The following IMMP1L variants were observed in gnomAD, a reference collection of about 807,000 sequenced individuals.
The protein encoded by IMMP1L is inner mitochondrial membrane peptidase subunit 1.
A neutral mutation model predicts 21.8 loss-of-function variants in IMMP1L; 24 were observed. The ratio of observed to expected loss-of-function variants is 1.10; its 90% confidence interval spans 0.80 to 1.55. IMMP1L has a LOEUF of 1.55. IMMP1L is among the 40% of genes most tolerant of loss of function. The probability of loss-of-function intolerance (pLI) is 0.00; values close to 1 mark genes in which losing one functional copy is unlikely to be tolerated. For missense variants in IMMP1L, 195 were observed against 200.7 expected (o/e 0.97, Z 0.17); for synonymous variants, 46 against 62.8 (o/e 0.73, Z 1.26).
chr11:31,452,507 C>T, intron 4 of IMMP1L: 1 of 985,398 alleles, frequency 1.0e-6, no homozygotes, highest in Non-Finnish European at 1.2e-6. Flanking sequence ...CATGCTCCTA[C>T]TTCCAACTAA....
At position 31,433,549 on chromosome 11, in the gene IMMP1L, A is replaced by T. The variant is rs768405132; in HGVS notation, c.343T>A (p.Leu115Ile). 6.2e-6 allele frequency: 10 copies of T among 1,610,804 alleles called. No individual in the cohort carries two copies. The highest frequency in any genetic ancestry group is 7.6e-6 in the Non-Finnish European group (9 of 1,177,914). Residue 115 changes from leucine (L) to isoleucine (I), a missense_variant, in exon 5 of 6, where the codon TTA (leucine) becomes ATA (isoleucine). Physicochemically the swap from Leu to Ile is conservative, Grantham distance 5. Coordinates refer to ENST00000532287, the MANE Select transcript of IMMP1L (RefSeq NM_001304274.2). ...GAATTCTGTAGATTGTCACCTTCTA[A>T]CCAAACATGACCCATTGGCACCTAG... ...HSYVPMGHVW[L>I]EGDNLQNSTD...
intron 4 of IMMP1L, among the ~76,000 whole-genome samples, chr11:31,444,001 C>T (rs1953430027): frequency 1.3e-5 from 2 of 152,180 alleles, no homozygotes; most frequent in Admixed American, 1.3e-4. Context: ...TAAGCTCTTT[C>T]ATCTTCTCCC....
At chr11:31,490,960 C>T (rs1393394304) in intron 1 of IMMP1L, among the ~76,000 whole-genome samples, 1 of 152,106 alleles carries the variant, frequency 6.6e-6, no homozygotes, top group East Asian at 1.9e-4. Context: ...TGTCTCAGGG[C>T]AAGGAATAAC....
At chr11:31,472,524 T>C (rs1179590502) in intron 1 of IMMP1L, among the ~76,000 whole-genome samples, 1 of 152,242 alleles carries the variant, frequency 6.6e-6, no homozygotes, top group African/African-American at 2.4e-5. Flanking sequence ...ATGTACCATG[T>C]GTGCTGTGAA....
chr11:31,466,651 C>A (rs75503285), intron 1 of IMMP1L, among the ~76,000 whole-genome samples: 2,604 of 152,082 alleles, frequency 0.017, 39 homozygotes, highest in Non-Finnish European at 0.024. Context: ...AGAAATAAAT[C>A]TGGCACAGGA....
intron 4 of IMMP1L, chr11:31,449,203 C>T (rs80261978): frequency 4.1e-4 from 157 of 381,540 alleles, no homozygotes; most frequent in African/African-American, 3.3e-3. Flanking sequence ...GCTTATAATA[C>T]ACAAGCCCTT....
At chr11:31,486,057 CT>C (rs941684097) in intron 1 of IMMP1L, among the ~76,000 whole-genome samples, 96 of 143,806 alleles carry the variant, frequency 6.7e-4, no homozygotes, top group East Asian at 1.2e-3. Flanking sequence ...TTTTTTTTCC[CT>C]TTTTTTTTTT....
At chr11:31,452,770 G>A in intron 4 of IMMP1L, 1 of 1,003,282 alleles carries the variant, frequency 1.0e-6, no homozygotes, top group Non-Finnish European at 1.2e-6. Context: ...CTTTTCTTGA[G>A]ACGGAGTTTC....
At chr11:31,444,588 C>CTTTT (rs1219601245) in intron 4 of IMMP1L, among the ~76,000 whole-genome samples, 8 of 130,422 alleles carry the variant, frequency 6.1e-5, no homozygotes, top group African/African-American at 2.2e-4. Flanking sequence ...CATTTCTATT[C>CTTTT]TTTTTTTTTT....
intron 4 of IMMP1L, among the ~76,000 whole-genome samples, chr11:31,438,055 C>G (rs1953185641): frequency 6.6e-6 from 1 of 152,066 alleles, no homozygotes; most frequent in Admixed American, 6.6e-5. Flanking sequence ...ATGTACAAGT[C>G]TTATTTCTTT....
Position 31,508,525 on chromosome 11 carries a change from A to G in IMMP1L, c.-30+994T>C, listed in dbSNP as rs551419176. ...ATGATTCTAAAAAACAAGCAAACAA[A>G]CAAAAATCCTCCCCAAATGAAAAAC... On this transcript the variant is annotated intron_variant, in intron 1 of 5. Transcript: ENST00000532287. Among the ~76,000 whole-genome samples, 4 of 152,334 alleles carry G rather than the reference A, an allele frequency of 2.6e-5. No individual in the cohort carries two copies. The South Asian group carries it at 6.2e-4, about 24-fold the overall frequency.
At chr11:31,503,507 T>G (rs1955689587) in intron 1 of IMMP1L, among the ~76,000 whole-genome samples, 1 of 151,852 alleles carries the variant, frequency 6.6e-6, no homozygotes, top group Non-Finnish European at 1.5e-5. Flanking sequence ...CTAGCAAAAT[T>G]AACAATGAAG....
chr11:31,457,536 A>C lies in IMMP1L; in HGVS notation c.195-1150T>G, dbSNP rs113406911. Among the ~76,000 whole-genome samples the C allele has an allele frequency of 9.5e-3, 1,448 of 152,348 alleles. 27 individuals are homozygous for C. Among genetic ancestry groups the C allele is most frequent in the African/African-American group, 0.033 (1,389 of 41,588 alleles). On this transcript the variant is annotated intron_variant, in intron 3 of 5. Transcript: ENST00000532287. ...ATATGTCAAAATAATATTAAAAGTC[A>C]TAAGAATAAAAGGAAAATTATGAAG...
At position 31,490,576 on chromosome 11, in the gene IMMP1L, T is replaced by C. The variant is rs1955221898; in HGVS notation, c.-30+18943A>G. Reference sequence around the variant, plus strand: ...TGTTCAGCACTCTCTAATATAAACATTAAAGGTATTAGTACGTTGTAACAT... The same window carrying C: ...TGTTCAGCACTCTCTAATATAAACACTAAAGGTATTAGTACGTTGTAACAT... On this transcript the variant is annotated intron_variant, in intron 1 of 5. Transcript: ENST00000532287. Among the ~76,000 whole-genome samples the C allele has an allele frequency of 2.0e-5, 3 of 152,226 alleles. No homozygotes were observed. In the South Asian group the frequency reaches 6.2e-4, roughly 32 times the overall value.
chr11:31,504,979 C>G (rs148291848), intron 1 of IMMP1L, among the ~76,000 whole-genome samples: 2 of 152,288 alleles, frequency 1.3e-5, no homozygotes, highest in East Asian at 3.9e-4. Flanking sequence ...GGAACTCCCT[C>G]TGTGTAGACA....
chr11:31,490,498 T>C (rs1006332345), intron 1 of IMMP1L, among the ~76,000 whole-genome samples: 6 of 151,032 alleles, frequency 4.0e-5, no homozygotes, highest in Non-Finnish European at 8.8e-5. Flanking sequence ...GTTCATTAAA[T>C]AACCCCCTAC....
At chr11:31,470,411 C>T (rs1954505147) in intron 1 of IMMP1L, among the ~76,000 whole-genome samples, 1 of 146,182 alleles carries the variant, frequency 6.8e-6, no homozygotes, top group South Asian at 2.2e-4. Flanking sequence ...AAAACTCCAT[C>T]TCAAAAAACA....
rs76191724 is a variant in IMMP1L at position 31,443,654 on chromosome 11, T to C, written c.322-10084A>G. ...TAGAGACCAGGCACAGAATAGTTAA[T>C]ACACTGACTATTTTAATACGTACTA... On this transcript the variant is annotated intron_variant, in intron 4 of 5. Coordinates refer to ENST00000532287, the MANE Select transcript of IMMP1L (RefSeq NM_001304274.2). Among the ~76,000 whole-genome samples the C allele has an allele frequency of 5.0e-3, 762 of 152,288 alleles. 7 individuals are homozygous for C. The highest frequency in any genetic ancestry group is 0.015 in the African/African-American group (607 of 41,558).
intron 1 of IMMP1L, among the ~76,000 whole-genome samples, chr11:31,484,037 A>G (rs1477506009): frequency 6.6e-6 from 1 of 151,906 alleles, no homozygotes; most frequent in Non-Finnish European, 1.5e-5. Flanking sequence ...TGTATAACAA[A>G]TATTTATTTA....
Sources: allele counts gnomAD v4.1 joint callset (sites outside exome capture counted in the v4.1 genomes callset), GRCh38; gene constraint gnomAD v4.1.1; transcripts MANE v1.5; gene names NCBI Gene and HGNC (gene_info 2026-07-23, HGNC 2026-07-21).